The following SHANK1 variants were observed in gnomAD, a reference collection of about 807,000 sequenced individuals.
SHANK1 encodes the protein SH3 and multiple ankyrin repeat domains protein 1.
Under a neutral mutation model 165.6 loss-of-function variants are expected in SHANK1, and 35 were observed. That is an observed-to-expected ratio of 0.21 (90% CI 0.16 to 0.28). The LOEUF (loss-of-function observed/expected upper bound fraction) is 0.28, where lower values mean the gene tolerates loss of function less well. Ranked by LOEUF, SHANK1 falls within the 10% of genes least tolerant of loss-of-function variation. The pLI is 1.00. For missense variants in SHANK1, 2,681 were observed against 3,036.4 expected, an observed-to-expected ratio of 0.88 and a Z score of 2.75; for synonymous variants, 1,428 against 1,384.8, an observed-to-expected ratio of 1.03 and a Z score of -0.69.
At chr19:50,698,006 C>T (rs1241925129) in intron 12 of SHANK1, 50 bp from the exon 13 acceptor site, 2 of 1,300,976 alleles carry the variant, frequency 1.5e-6, no homozygotes, top group Non-Finnish European at 2.2e-6. Flanking sequence ...CTGTGCTGCC[C>T]CTCAACTGCC....
intron 15 of SHANK1, 77 bp from the exon 16 acceptor site, chr19:50,689,356 C>A (rs567228731): frequency 8.3e-6 from 9 of 1,086,008 alleles, no homozygotes; most frequent in East Asian, 4.7e-5. Flanking sequence ...GGCTGTCCCC[C>A]ACCCGGCAAC....
intron 23 of SHANK1, among the ~76,000 whole-genome samples, chr19:50,664,148 G>T (rs1251400688): frequency 1.4e-5 from 2 of 148,064 alleles, no homozygotes; most frequent in East Asian, 2.0e-4. Flanking sequence ...CAACCTGGGA[G>T]CATAGATTTA....
Position 50,669,697 on chromosome 19 carries a change from C to A in SHANK1, c.2675-412G>T, listed in dbSNP as rs565323050. ...ACGTATATGCGGGAAAGAAATGCAACCAGCACATCAAAGCTGTGATTCTAC... is the reference window on the plus strand; with the variant it reads ...ACGTATATGCGGGAAAGAAATGCAAACAGCACATCAAAGCTGTGATTCTAC... On this transcript the variant is annotated intron_variant, in intron 22 of 23. Transcript: ENST00000293441. 3.3e-5 allele frequency among the ~76,000 whole-genome samples: 5 copies of A among 152,122 alleles called. No individual in the cohort carries two copies. In the East Asian group the frequency reaches 9.7e-4, roughly 29 times the overall value.
Position 50,697,102 on chromosome 19 carries a change from G to A in SHANK1, c.1958C>T (p.Pro653Leu). 6.2e-7 allele frequency: 1 copy of A among 1,608,710 alleles called. No individual in the cohort carries two copies. Among genetic ancestry groups the A allele is most frequent in the African/African-American group, 1.4e-5 (1 of 73,106 alleles). ...DAPSLMDGIG[P>L]GSDYIIKEKT... ...CCTGCCCCTCGCCTCTCACCTCCCT[G>A]GGCCAATCCCATCCATTAAGCTTCC... The change falls in exon 15 of 24, where the codon CCA (proline) becomes CTA (leucine). Residue 653 changes from proline (P) to leucine (L), a missense_variant. By Grantham distance (98) the Pro-to-Leu change is moderately conservative. Transcript: ENST00000293441. The surrounding 1 kb of genome is among the most constrained non-coding windows in gnomAD (Gnocchi z 4.7).
chr19:50,713,759 G>A lies in SHANK1; in HGVS notation c.792+39C>T, dbSNP rs371447409. 9.9e-5 allele frequency: 160 copies of A among 1,608,214 alleles called. 1 individual carries two copies. The African/African-American group carries it at 1.9e-3, about 19-fold the overall frequency. ...GAAAGAACAAAGGGAAAAGGAGAGA[G>A]GGCCCCATGGCGGGGATGGGGGGTC... On this transcript the variant is annotated intron_variant, in intron 6 of 23. Transcript: ENST00000293441. The surrounding 1 kb of genome is among the most constrained non-coding windows in gnomAD (Gnocchi z 6.2).
intron 8 of SHANK1, among the ~76,000 whole-genome samples, chr19:50,707,881 C>T (rs1262778920): frequency 1.5e-3 from 4 of 2,596 alleles, no homozygotes; most frequent in African/African-American, 0.011. Flanking sequence ...GCGTGTTTTT[C>T]TTTTCTTTTC....
chr19:50,686,196 G>T lies in SHANK1; in HGVS notation c.2577+41C>A. On this transcript the variant is annotated intron_variant, in intron 21 of 23. Coordinates refer to ENST00000293441, the MANE Select transcript of SHANK1 (RefSeq NM_016148.5). This position sits in a 1 kb window ranked among gnomAD's most constrained non-coding sequence, Gnocchi z 5.7. ...AAGGCTCCAGGTTGGTGTGTGAACC[G>T]CCTCCCCCCTGGCAGTTCCTCCCCA... 8.1e-7 allele frequency: 1 copy of T among 1,229,282 alleles called. No homozygotes were observed. The highest frequency in any genetic ancestry group is 1.2e-6 in the Non-Finnish European group (1 of 863,194). 76.1% of individuals were successfully genotyped at this position (1,229,282 alleles called of 1,614,324 possible).
intron 8 of SHANK1, 145 bp from the exon 9 acceptor site, chr19:50,704,659 A>G (rs1245225581): frequency 1.4e-6 from 1 of 722,030 alleles, no homozygotes; most frequent in Non-Finnish European, 2.4e-6. Context: ...GCCACCTGCC[A>G]GGTACGGACC....
At chr19:50,695,513 G>T (rs1409409336) in intron 15 of SHANK1, among the ~76,000 whole-genome samples, 1 of 151,352 alleles carries the variant, frequency 6.6e-6, no homozygotes, top group Non-Finnish European at 1.5e-5. Flanking sequence ...TTCCGGTCTG[G>T]GCCCCCCCTT....
In SHANK1 at chr19:50,668,418, G is replaced by T. The variant is rs747452637; in HGVS notation, c.3542C>A (p.Pro1181His). ...SSQGSSTEAE[P>H]PTQPEPTGGG... ...TCCCGTGGGCTCCGGCTGGGTGGGGGGCTCCGCCTCGGTGCTGCTGCCCTG... is the reference window on the plus strand; with the variant it reads ...TCCCGTGGGCTCCGGCTGGGTGGGGTGCTCCGCCTCGGTGCTGCTGCCCTG... Residue 1181 changes from proline (P) to histidine (H), a missense_variant, in exon 23 of 24, where the codon CCC (proline) becomes CAC (histidine). By Grantham distance (77) the Pro-to-His change is moderately conservative (BLOSUM62 -2). Around this residue, in one of 10 missense-constraint regions of SHANK1, gnomAD observed 1,713 missense variants for 1,630.2 expected, o/e 1.05. Transcript: ENST00000293441. The T allele has an allele frequency of 3.8e-6, 5 of 1,326,274 alleles. No individual in the cohort carries two copies. The highest frequency in any genetic ancestry group is 3.1e-5 in the Admixed American group (1 of 32,292). 82.2% of individuals were successfully genotyped at this position (1,326,274 alleles called of 1,614,324 possible). A position where few individuals can be genotyped will look rare whatever the true frequency, so the allele number is the denominator to read the frequency against.
rs1363874709 is a variant in SHANK1 at position 50,668,029 on chromosome 19, C to T, written c.3931G>A (p.Gly1311Ser). Residue 1311 changes from glycine to serine, a missense_variant, in exon 23 of 24, where the codon GGC becomes AGC. Transcript: ENST00000293441. Reference protein sequence around the residue: ...LESAGSGAGYGGYGAGSRAYG... With the variant: ...LESAGSGAGYSGYGAGSRAYG... ...GCTCGGCTACCGGCCCCGTAGCCGC[C>T]GTAGCCCGCGCCGCTGCCCGCAGAC... The T allele has an allele frequency of 2.7e-6, 4 of 1,477,036 alleles. No homozygotes were observed. Among genetic ancestry groups the T allele is most frequent in the African/African-American group, 2.9e-5 (2 of 68,218 alleles). The allele number at this position is 1,477,036 out of a possible 1,614,324, so 91.5% of individuals were successfully genotyped here. A position where few individuals can be genotyped will look rare whatever the true frequency, so the allele number is the denominator to read the frequency against.
intron 21 of SHANK1, among the ~76,000 whole-genome samples, chr19:50,677,127 C>CTTTT (rs750956099): frequency 7.2e-6 from 1 of 138,134 alleles, no homozygotes; most frequent in Non-Finnish European, 1.6e-5. Flanking sequence ...CTATCTCATA[C>CTTTT]TTTTTTTTTT....
At chr19:50,676,390 T>C (rs977377607) in intron 21 of SHANK1, among the ~76,000 whole-genome samples, 3 of 152,034 alleles carry the variant, frequency 2.0e-5, no homozygotes, top group African/African-American at 7.2e-5. Flanking sequence ...GGAGGGGGCA[T>C]AATGATGTGT....
Position 50,702,993 on chromosome 19 carries a change from C to G in SHANK1, c.1554-333G>C, listed in dbSNP as rs1468779379. On this transcript the variant is annotated intron_variant, in intron 11 of 23. Transcript: ENST00000293441. The surrounding 1 kb of genome is among the most constrained non-coding windows in gnomAD (Gnocchi z 5.3). ...CGCGACTCCCAGCTTCCTCCTGGGTCAGGTCCAACTCCTCTGCCCGCCGTT... is the reference window on the plus strand; with the variant it reads ...CGCGACTCCCAGCTTCCTCCTGGGTGAGGTCCAACTCCTCTGCCCGCCGTT... Among the ~76,000 whole-genome samples the G allele has an allele frequency of 1.3e-5, 2 of 152,174 alleles. No individual in the cohort carries two copies. The highest frequency in any genetic ancestry group is 4.8e-5 in the African/African-American group (2 of 41,438).
rs778471957 is a variant in SHANK1, at chr19:50,662,672, C to T, written c.5779G>A (p.Asp1927Asn). ...TTGGAGAGGAGTGAGGACTGGGAGT[C>T]GTCGGAGAGTCTGGAATGTGACAAG... is the stretch of plus-strand genomic sequence containing the variant. ...SSLQRQRLSD[D>N]SQSSLLSKPV... The change falls in exon 24 of 24, where the codon GAC becomes AAC. Residue 1927 changes from aspartate (D) to asparagine (N), a missense_variant. By Grantham distance (23) the Asp-to-Asn change is conservative (BLOSUM62 1). Coordinates refer to ENST00000293441, the MANE Select transcript of SHANK1 (RefSeq NM_016148.5). This position sits in a 1 kb window ranked among gnomAD's most constrained non-coding sequence, Gnocchi z 7.7. 22 of 1,546,870 alleles carry T rather than the reference C, an allele frequency of 1.4e-5. No individual in the cohort carries two copies. Among genetic ancestry groups the T allele is most frequent in the Admixed American group, 4.0e-5 (2 of 50,166 alleles).
In SHANK1 at chr19:50,711,506, G is replaced by A. The variant is rs111975267; in HGVS notation, c.961-19C>T. The A allele has an allele frequency of 4.9e-4, 757 of 1,536,662 alleles. No homozygotes were observed. The African/African-American group carries it at 7.3e-3, about 15-fold the overall frequency. On this transcript the variant is annotated intron_variant, in intron 7 of 23. Transcript: ENST00000293441. The stretch of plus-strand genomic sequence containing the variant: ...GGCAGGCCTGGGCAGGACAGGGAGC[G>A]AGGGGCATGGATCAGACCCAGGCTG...
chr19:50,673,496 C>T (rs550923459), intron 21 of SHANK1, among the ~76,000 whole-genome samples: 1 of 152,124 alleles, frequency 6.6e-6, no homozygotes, highest in Non-Finnish European at 1.5e-5. Context: ...CTTTTCAGCG[C>T]GAAGTTCTCC....
In SHANK1 at chr19:50,686,986, G is replaced by A. The variant is rs1986363957; in HGVS notation, c.2390-174C>T. The A allele has an allele frequency of 3.5e-6, 5 of 1,425,218 alleles. No individual in the cohort carries two copies. Among genetic ancestry groups the A allele is most frequent in the South Asian group, 1.6e-5 (1 of 63,786 alleles). 88.3% of individuals were successfully genotyped at this position (1,425,218 alleles called of 1,614,324 possible). A position where few individuals can be genotyped will look rare whatever the true frequency, so the allele number is the denominator to read the frequency against. On this transcript the variant is annotated intron_variant, in intron 19 of 23. Transcript: ENST00000293441. This position sits in a 1 kb window ranked among gnomAD's most constrained non-coding sequence, Gnocchi z 5.7. ...GTCCGCCGGCGGGGTCGGGAGACGGGGGCCCTCCCGCCAGTCCTGTGCCCA... is the reference window on the plus strand; with the variant it reads ...GTCCGCCGGCGGGGTCGGGAGACGGAGGCCCTCCCGCCAGTCCTGTGCCCA...
intron 21 of SHANK1, among the ~76,000 whole-genome samples, chr19:50,678,006 G>A (rs554267039): frequency 6.6e-6 from 1 of 152,308 alleles, no homozygotes; most frequent in East Asian, 1.9e-4. Context: ...AAAGGCAGTA[G>A]AGAAGTGGCA....
Sources: gnomAD v4.1 joint callset for allele counts (sites outside exome capture counted in the v4.1 genomes callset) on GRCh38, gnomAD v4.1.1 for gene constraint, gnomAD v4.1.1 regional missense constraint, Gnocchi (gnomAD v3.1) non-coding constraint, MANE v1.5 for transcripts, NCBI Gene and HGNC (gene_info 2026-07-23, HGNC 2026-07-21) for gene names.